Variants in VPS35L observed in about 807,000 individuals in gnomAD.
VPS35L encodes VPS35 endosomal protein sorting factor like.
A neutral mutation model predicts 133.0 loss-of-function variants in VPS35L; 83 were observed. The ratio of observed to expected loss-of-function variants is 0.62; its 90% CI spans 0.52 to 0.75. The LOEUF is 0.75. Among genes scored for constraint, VPS35L ranks in the 30% least tolerant of loss-of-function variants. VPS35L has a pLI of 0.00. For missense variants in VPS35L, 1,083 were observed against 1,206.8 expected (o/e 0.90, Z 1.52); for synonymous variants, 423 against 449.9 (o/e 0.94, Z 0.76).
intron 28 of VPS35L, among the ~76,000 whole-genome samples, chr16:19,690,270 C>T (rs773053038): frequency 2.4e-4 from 37 of 152,196 alleles, no homozygotes; most frequent in Middle Eastern, 3.4e-3. Context: ...GTGTCTCTTT[C>T]GTTGCCCAGA....
At chr16:19,606,723 G>A (rs1972547326) in intron 9 of VPS35L, among the ~76,000 whole-genome samples, 1 of 152,170 alleles carries the variant, frequency 6.6e-6, no homozygotes, top group Non-Finnish European at 1.5e-5. Flanking sequence ...AGAATCATTT[G>A]CTATATTCTA....
chr16:19,659,865 C>G (rs1974422223), intron 26 of VPS35L, among the ~76,000 whole-genome samples: 1 of 152,126 alleles, frequency 6.6e-6, no homozygotes, highest in African/African-American at 2.4e-5. Flanking sequence ...CAATCCAAAC[C>G]TAAACTCATA....
intron 6 of VPS35L, 54 bp from the exon 7 acceptor site, chr16:19,581,471 T>C (rs1971706017): frequency 6.7e-7 from 1 of 1,493,088 alleles, no homozygotes; most frequent in East Asian, 2.4e-5. Flanking sequence ...TATAAGGGTG[T>C]AGTCGAGCAA....
At chr16:19,642,570 GAAT>G (rs1973819803) in intron 22 of VPS35L, 94 bp downstream of exon 22, 1 of 1,009,352 alleles carries the variant, frequency 9.9e-7, no homozygotes, top group Non-Finnish European at 1.4e-6. Flanking sequence ...CTGCCACTGT[GAAT>G]AATATTACTT....
intron 26 of VPS35L, among the ~76,000 whole-genome samples, chr16:19,668,756 G>T (rs1051330271): frequency 6.6e-6 from 1 of 152,130 alleles, no homozygotes; most frequent in Admixed American, 6.6e-5. Flanking sequence ...GTTGCAGGAT[G>T]AATTGCTTCT....
chr16:19,673,962 T>A (rs11863589), intron 27 of VPS35L, among the ~76,000 whole-genome samples: 51,651 of 151,558 alleles, frequency 0.34, 8,989 homozygotes, highest in African/African-American at 0.36. Context: ...TTTGCTCAAG[T>A]TCATTGAGCA....
At chr16:19,609,863 A>G (rs1202416583) in intron 11 of VPS35L, among the ~76,000 whole-genome samples, 13 of 152,192 alleles carry the variant, frequency 8.5e-5, no homozygotes, top group African/African-American at 1.9e-4. Flanking sequence ...TTGCAGGAGA[A>G]ATAAATTGTA....
intron 7 of VPS35L, among the ~76,000 whole-genome samples, chr16:19,588,063 G>A (rs1971927753): frequency 6.6e-6 from 1 of 151,412 alleles, no homozygotes; most frequent in African/African-American, 2.4e-5. Context: ...GCCTCCCAAA[G>A]TGCTGGGATT....
Position 19,700,522 on chromosome 16 carries a change from G to C in VPS35L, c.*46G>C. 6.7e-7 allele frequency: 1 copy of C among 1,501,702 alleles called. No individual in the cohort carries two copies. Among genetic ancestry groups the C allele is most frequent in the South Asian group, 1.1e-5 (1 of 88,646 alleles). The allele number at this position is 1,501,702 out of a possible 1,614,324, so 93.0% of individuals were successfully genotyped here. A position where few individuals can be genotyped will look rare whatever the true frequency, so the allele number is the denominator to read the frequency against. On this transcript the variant is annotated 3_prime_UTR_variant, in exon 31 of 31. Coordinates refer to ENST00000417362, the MANE Select transcript of VPS35L (RefSeq NM_020314.7). ...CTCAGGGACTCTGGTGCCAAATCCA[G>C]AAAGATCTGCTCTGCTGCCCTGAAC...
chr16:19,634,603 G>C (rs1420943549), intron 19 of VPS35L, among the ~76,000 whole-genome samples: 2 of 152,146 alleles, frequency 1.3e-5, no homozygotes, highest in Non-Finnish European at 2.9e-5. Flanking sequence ...TAGATAAATA[G>C]ATGAGCGGAT....
At chr16:19,577,606 T>C (rs1464372408) in intron 5 of VPS35L, among the ~76,000 whole-genome samples, 5 of 152,236 alleles carry the variant, frequency 3.3e-5, no homozygotes, top group Admixed American at 2.0e-4. Context: ...AGACAGGTGC[T>C]GTGGTCTGGT....
chr16:19,573,347 T>A, intron 4 of VPS35L, 106 bp downstream of exon 4: 1 of 1,279,008 alleles, frequency 7.8e-7, no homozygotes, highest in Non-Finnish European at 1.1e-6. Flanking sequence ...CTTATTTATT[T>A]ATTTTTCTAC....
chr16:19,647,871 C>T lies in VPS35L; in HGVS notation c.2017C>T (p.Gln673Ter). 1 of 1,611,788 alleles carries T rather than the reference C, an allele frequency of 6.2e-7. No homozygotes were observed. The highest frequency in any genetic ancestry group is 8.5e-7 in the Non-Finnish European group (1 of 1,177,944). ...TTGCAATCTGGAGCCTGTTCTTGTG[C>T]AGTTGATTCATGTAAGTATTTTCAT... ...MFCNLEPVLV[Q>*]LIHSVNRLAM... is the part of the protein sequence containing the mutation. Residue 673 changes from glutamine to a stop codon, truncating the protein, a stop_gained, in exon 24 of 31, where the codon CAG becomes TAG. Transcript: ENST00000417362. LOFTEE classifies it high-confidence loss of function.
chr16:19,666,281 C>T (rs558731385), intron 26 of VPS35L, among the ~76,000 whole-genome samples: 2 of 152,168 alleles, frequency 1.3e-5, no homozygotes, highest in South Asian at 2.1e-4. Flanking sequence ...TCTGAGTTCT[C>T]CTTTTTCTGT....
chr16:19,619,500 C>G (rs1973008471), intron 14 of VPS35L, among the ~76,000 whole-genome samples: 1 of 152,098 alleles, frequency 6.6e-6, no homozygotes, highest in African/African-American at 2.4e-5. Context: ...CGACTGTTTT[C>G]TTGGTATTCC....
intron 12 of VPS35L, among the ~76,000 whole-genome samples, chr16:19,611,971 A>T (rs1163025698): frequency 1.3e-5 from 2 of 148,268 alleles, no homozygotes; most frequent in African/African-American, 5.0e-5. Context: ...ATGGAGTCTC[A>T]CTCTGTCGCC....
intron 11 of VPS35L, among the ~76,000 whole-genome samples, chr16:19,609,360 TC>T (rs1972635352): frequency 6.6e-6 from 1 of 152,144 alleles, no homozygotes; most frequent in Admixed American, 6.5e-5. Context: ...TGGCTCCCTC[TC>T]CTGGGAACAT....
At chr16:19,587,576 G>A (rs557415587) in intron 7 of VPS35L, among the ~76,000 whole-genome samples, 315 of 151,288 alleles carry the variant, frequency 2.1e-3, no homozygotes, top group African/African-American at 7.3e-3. Flanking sequence ...GGAGGTTGCG[G>A]TGAGCCAAGA....
In VPS35L at chr16:19,591,780, CTT is replaced by C. The variant is rs747566987; in HGVS notation, c.640-4_640-3del. 59 of 1,604,158 alleles carry C rather than the reference CTT, an allele frequency of 3.7e-5. No individual in the cohort carries two copies. Among genetic ancestry groups the C allele is most frequent in the Non-Finnish European group, 4.4e-5 (52 of 1,172,186 alleles). ...CAGAGTGAATTTTCTCTTTTTTTCT[CTT>C]TTTTTAGTGTTCAAAGCTTCTTTCA... On this transcript the variant is annotated splice_polypyrimidine_tract_variant and splice_region_variant and intron_variant, in intron 7 of 30. Coordinates refer to ENST00000417362, the MANE Select transcript of VPS35L (RefSeq NM_020314.7).
Sources: allele counts gnomAD v4.1 joint callset (sites outside exome capture counted in the v4.1 genomes callset), GRCh38; gene constraint gnomAD v4.1.1; transcripts MANE v1.5; gene names NCBI Gene and HGNC (gene_info 2026-07-23, HGNC 2026-07-21).